RBM4: variants seen among roughly 807,000 people sequenced by gnomAD.
RBM4 encodes RNA-binding protein 4.
In RBM4, 7 loss-of-function variants were observed where a neutral mutation model predicts 29.5. The observed-to-expected ratio is 0.24, with a 90% CI of 0.14 to 0.45. RBM4 has a LOEUF of 0.45. Ranked by LOEUF, RBM4 falls within the 20% of genes least tolerant of loss-of-function variation. RBM4 has a pLI of 1.00. For missense variants in RBM4, 387 were observed against 502.3 expected, an observed-to-expected ratio of 0.77 and a Z score of 2.19; for synonymous variants, 220 against 205.4, an observed-to-expected ratio of 1.07 and a Z score of -0.61.
downstream of RBM4, among the ~76,000 whole-genome samples, chr11:66,649,036 G>A (rs753599083): frequency 7.3e-5 from 11 of 151,518 alleles, no homozygotes; most frequent in Non-Finnish European, 1.6e-4. Flanking sequence ...TTGAGACAGA[G>A]TCTCTCTGTT....
intron 2 of RBM4, among the ~76,000 whole-genome samples, chr11:66,642,658 C>T (rs534053127): frequency 6.6e-6 from 1 of 152,330 alleles, no homozygotes; most frequent in Admixed American, 6.5e-5. Context: ...CCACTTTCCT[C>T]AGGCACGTTT....
chr11:66,662,293 G>A (rs1939098362), intron 2 of RBM4, among the ~76,000 whole-genome samples: 1 of 152,158 alleles, frequency 6.6e-6, no homozygotes. Context: ...CACAGATATG[G>A]AACACTTCCA....
chr11:66,642,777 G>A (rs1224431188), intron 2 of RBM4, among the ~76,000 whole-genome samples: 1 of 152,150 alleles, frequency 6.6e-6, no homozygotes, highest in Non-Finnish European at 1.5e-5. Flanking sequence ...AAAATTAACT[G>A]TCAGATTGTA....
exon 3 of RBM4, chr11:66,666,355 T>G: frequency 9.9e-7 from 1 of 1,012,222 alleles, no homozygotes; most frequent in Non-Finnish European, 1.2e-6. Flanking sequence ...TGTGACGTTC[T>G]TGGATCAGTT....
intron 3 of RBM4, chr11:66,644,664 G>A: frequency 1.0e-6 from 1 of 983,206 alleles, no homozygotes; most frequent in Non-Finnish European, 1.2e-6. Context: ...TACCAAAATG[G>A]CATCATCTTA....
In RBM4 at chr11:66,643,301, T is replaced by C; in HGVS notation, c.413-149T>C. ...TTATACTGAATCTATATGTTGAGTC[T>C]TTTTTTTTTTTCCTTTTTATCTTTT... On this transcript the variant is annotated intron_variant, in intron 2 of 3. Transcript: ENST00000310092. The surrounding 1 kb of genome is among the most constrained non-coding windows in gnomAD (Gnocchi z 6.1). 3.3e-6 allele frequency: 1 copy of C among 306,360 alleles called. No homozygotes were observed. Among genetic ancestry groups the C allele is most frequent in the Non-Finnish European group, 5.0e-6 (1 of 198,688 alleles). 19.0% of individuals were successfully genotyped at this position (306,360 alleles called of 1,614,324 possible).
chr11:66,666,606 A>G (rs1248338909), exon 3 of RBM4: 1 of 168,038 alleles, frequency 6.0e-6, no homozygotes, highest in African/African-American at 2.4e-5. Flanking sequence ...TGAAGACCAC[A>G]ATATATGAAT....
chr11:66,643,685 A>C lies in RBM4; in HGVS notation c.648A>C (p.Gly216=). 1.2e-6 allele frequency: 2 copies of C among 1,614,108 alleles called. No individual in the cohort carries two copies. The highest frequency in any genetic ancestry group is 1.7e-6 in the Non-Finnish European group (2 of 1,180,006). ...GDSLYYNNAY[G]ALDAYYKRCR... is the part of the protein sequence containing the mutation. ...CATTGTATTACAACAACGCGTACGG[A>C]GCGCTCGATGCCTACTACAAGCGCT... is the stretch of plus-strand genomic sequence containing the variant. The change falls in exon 3 of 4, where the codon GGA becomes GGC. Residue 216 remains glycine, a synonymous_variant. Transcript: ENST00000310092. The surrounding 1 kb of genome is among the most constrained non-coding windows in gnomAD (Gnocchi z 6.1).
At chr11:66,659,790 CAT>C (rs1456969854) in intron 2 of RBM4, among the ~76,000 whole-genome samples, 1 of 152,146 alleles carries the variant, frequency 6.6e-6, no homozygotes, top group East Asian at 1.9e-4. Flanking sequence ...TTGCCACAGC[CAT>C]AGTCTAGACC....
chr11:66,644,927 GT>G (rs1305157033), intron 3 of RBM4, among the ~76,000 whole-genome samples: 222 of 140,940 alleles, frequency 1.6e-3, no homozygotes, highest in Non-Finnish European at 1.7e-3. Context: ...CTTACTTAGG[GT>G]TTTTTTTTTT....
chr11:66,648,803 G>T (rs1163575837), downstream of RBM4, among the ~76,000 whole-genome samples: 1 of 151,454 alleles, frequency 6.6e-6, no homozygotes, highest in Non-Finnish European at 1.5e-5. Flanking sequence ...ACAAGGGCAA[G>T]ACTTCTCTCA....
chr11:66,649,832 C>A (rs1303808063), downstream of RBM4: 1 of 689,700 alleles, frequency 1.4e-6, no homozygotes, highest in African/African-American at 1.8e-5. Context: ...CCGCCTTGGC[C>A]TCCCAGAGTT....
chr11:66,644,247 G>T (rs1215879734), intron 3 of RBM4, 107 bp downstream of exon 3: 4 of 1,438,452 alleles, frequency 2.8e-6, no homozygotes, highest in Non-Finnish European at 3.7e-6. Context: ...CAGGGTTAGG[G>T]GAAGGTTACT....
In RBM4 at chr11:66,642,001, CTGGTTTTGTTAGG is replaced by C; in HGVS notation, c.413-1446_413-1434del. Among the ~76,000 whole-genome samples the C allele has an allele frequency of 2.0e-5, 3 of 152,342 alleles. No individual in the cohort carries two copies. In the Middle Eastern group the frequency reaches 0.01, roughly 518 times the overall value. ...GCTTGCTTAGTTGCACTTGTTTTCT[CTGGTTTTGTTAGG>C]TGCCAAAGTGGCCCCCTGGGCAAAT... On this transcript the variant is annotated intron_variant, in intron 2 of 3. Coordinates refer to ENST00000310092, the MANE Select transcript of RBM4 (RefSeq NM_002896.4).
At chr11:66,653,338 A>G (rs1454989409) in intron 2 of RBM4, among the ~76,000 whole-genome samples, 1 of 148,250 alleles carries the variant, frequency 6.7e-6, no homozygotes, top group Non-Finnish European at 1.5e-5. Context: ...GAACACCTTT[A>G]TGATGATTCA....
chr11:66,664,220 G>A (rs575781667), intron 2 of RBM4, among the ~76,000 whole-genome samples: 15 of 137,576 alleles, frequency 1.1e-4, no homozygotes, highest in Middle Eastern at 4.1e-3. Context: ...GTGCCATCTC[G>A]GCTCCCTGCA....
At position 66,644,092 on chromosome 11, in the gene RBM4, G is replaced by A. The variant is rs1282297088; in HGVS notation, c.1055G>A (p.Arg352Gln). 2.5e-6 allele frequency: 4 copies of A among 1,614,110 alleles called. No homozygotes were observed. Among genetic ancestry groups the A allele is most frequent in the South Asian group, 1.1e-5 (1 of 91,084 alleles). ...CTGTACGACATGGCCCGGTATGAGC[G>A]GGAGCAGTATGCCGATCGGGCGCGG... ...NSLYDMARYE[R>Q]EQYADRARYS... The change falls in exon 3 of 4, where the codon CGG becomes CAG. Residue 352 changes from arginine to glutamine, a missense_variant. Arg to Gln is a conservative substitution (Grantham distance 43, BLOSUM62 1). This residue lies in a region of RBM4 where 281 missense variants were observed against 288.7 expected (regional missense o/e 0.97). Transcript: ENST00000310092.
intron 2 of RBM4, among the ~76,000 whole-genome samples, chr11:66,660,005 C>G (rs188910947): frequency 6.6e-6 from 1 of 152,162 alleles, no homozygotes; most frequent in Non-Finnish European, 1.5e-5. Flanking sequence ...TTAGTTTGAA[C>G]GTGCCTTTCC....
At chr11:66,645,702 G>C (rs762818381) in intron 3 of RBM4, among the ~76,000 whole-genome samples, 1 of 151,850 alleles carries the variant, frequency 6.6e-6, no homozygotes, top group Non-Finnish European at 1.5e-5. Context: ...ATCCTCTGCT[G>C]ACAGCTTGTG....
Sources: gnomAD v4.1 joint callset for allele counts (sites outside exome capture counted in the v4.1 genomes callset) on GRCh38, gnomAD v4.1.1 for gene constraint, gnomAD v4.1.1 regional missense constraint, Gnocchi (gnomAD v3.1) non-coding constraint, MANE v1.5 for transcripts, NCBI Gene and HGNC (gene_info 2026-07-23, HGNC 2026-07-21) for gene names.